Variants in ZNF462 observed in about 807,000 individuals in gnomAD.
ZNF462 encodes the protein zinc finger protein 462.
A neutral mutation model predicts 201.9 loss-of-function variants in ZNF462; 10 were observed. The observed-to-expected ratio is 0.05, with a 90% CI of 0.03 to 0.08. The LOEUF is 0.08. Ranked by LOEUF, ZNF462 falls within the 10% of genes least tolerant of loss-of-function variation. ZNF462 has a pLI of 1.00. For synonymous variants in ZNF462, 1,227 were observed against 1,193.3 expected (o/e 1.03, Z -0.58); for missense variants, 2,523 against 3,168.3 (o/e 0.80, Z 4.89).
intron 1 of ZNF462, among the ~76,000 whole-genome samples, chr9:106,868,458 G>T (rs1827441209): frequency 6.6e-6 from 1 of 152,206 alleles, no homozygotes; most frequent in Admixed American, 6.5e-5. Flanking sequence ...GAAAACTGAA[G>T]TTTCGGGGTG....
chr9:106,862,783 C>G (rs996313931), upstream of ZNF462, among the ~76,000 whole-genome samples: 4 of 152,192 alleles, frequency 2.6e-5, no homozygotes, highest in African/African-American at 9.7e-5. This position sits in a 1 kb window ranked among gnomAD's most constrained non-coding sequence, Gnocchi z 4.2. Flanking sequence ...CTGCTCTTCT[C>G]GAGCTCTTGG....
chr9:107,011,347 A>G lies in ZNF462; in HGVS notation c.*317A>G, dbSNP rs952789528. On this transcript the variant is annotated 3_prime_UTR_variant, in exon 13 of 13. Transcript: ENST00000277225. This position sits in a 1 kb window ranked among gnomAD's most constrained non-coding sequence, Gnocchi z 5.6. The stretch of plus-strand genomic sequence containing the variant: ...GGTGCACCCTGTGGTGGTCTTGGAC[A>G]GTATGTGGAAACAGAAGCTCCATGA... The G allele has an allele frequency of 4.3e-6, 1 of 234,052 alleles. No homozygotes were observed. Among genetic ancestry groups the G allele is most frequent in the Non-Finnish European group, 8.4e-6 (1 of 119,458 alleles). The allele number at this position is 234,052 out of a possible 1,614,324, so 14.5% of individuals were successfully genotyped here. A position where few individuals can be genotyped will look rare whatever the true frequency, so the allele number is the denominator to read the frequency against.
Position 107,009,440 on chromosome 9 carries a change from G to A in ZNF462, c.7190-105G>A, listed in dbSNP as rs1468946102. The A allele has an allele frequency of 1.4e-6, 2 of 1,470,046 alleles. No individual in the cohort carries two copies. The highest frequency in any genetic ancestry group is 4.7e-5 in the East Asian group (2 of 42,840). The allele number at this position is 1,470,046 out of a possible 1,614,324, so 91.1% of individuals were successfully genotyped here. A position where few individuals can be genotyped will look rare whatever the true frequency, so the allele number is the denominator to read the frequency against. On this transcript the variant is annotated intron_variant, in intron 11 of 12. Transcript: ENST00000277225. The surrounding 1 kb of genome is among the most constrained non-coding windows in gnomAD (Gnocchi z 6.1). The stretch of plus-strand genomic sequence containing the variant: ...ATCTGGAAATTGCTTTCACCACATG[G>A]CTTTATCAGTGAAGGTAGGAGAGAG...
chr9:107,002,140 T>G (rs1201662649), intron 10 of ZNF462, among the ~76,000 whole-genome samples: 1 of 152,144 alleles, frequency 6.6e-6, no homozygotes, highest in Non-Finnish European at 1.5e-5. Flanking sequence ...TCTTGTAAAT[T>G]ATCTCTTTCC....
At position 106,938,695 on chromosome 9, in the gene ZNF462, A is replaced by G. The variant is rs1412215512; in HGVS notation, c.6236-221A>G. Among the ~76,000 whole-genome samples, 1 of 152,210 alleles carries G rather than the reference A, an allele frequency of 6.6e-6. No homozygotes were observed. Among genetic ancestry groups the G allele is most frequent in the Non-Finnish European group, 1.5e-5 (1 of 68,038 alleles). On this transcript the variant is annotated intron_variant, in intron 6 of 12. Transcript: ENST00000277225. The surrounding 1 kb of genome is among the most constrained non-coding windows in gnomAD (Gnocchi z 4.4). ...CTGTAAGCAGAGCCCAAAATGAAAA[A>G]GGACCAGTTCACTAGATTCTGGAGC...
At chr9:106,995,690 C>T (rs960702328) in intron 10 of ZNF462, 1 of 152,130 alleles carries the variant, frequency 6.6e-6, no homozygotes, top group African/African-American at 2.4e-5. Context: ...GTAAAAACTA[C>T]TGGGGGCATT....
intron 7 of ZNF462, among the ~76,000 whole-genome samples, chr9:106,964,216 T>C (rs1831972168): frequency 6.6e-6 from 1 of 152,022 alleles, no homozygotes; most frequent in Non-Finnish European, 1.5e-5. Context: ...ATACGATAGT[T>C]CTGTTTTTAA....
intron 1 of ZNF462, among the ~76,000 whole-genome samples, chr9:106,867,353 A>G (rs1217225767): frequency 6.6e-6 from 1 of 152,200 alleles, no homozygotes; most frequent in Admixed American, 6.5e-5. Context: ...CATGTGGCTT[A>G]TTATGCAAAT....
chr9:106,943,168 T>A (rs958333164), intron 7 of ZNF462, among the ~76,000 whole-genome samples: 4 of 151,870 alleles, frequency 2.6e-5, no homozygotes, highest in Non-Finnish European at 5.9e-5. Flanking sequence ...ATTTATAATA[T>A]AGAACTTGAT....
At chr9:106,940,025 A>G (rs1424747258) in intron 7 of ZNF462, among the ~76,000 whole-genome samples, 2 of 152,196 alleles carry the variant, frequency 1.3e-5, no homozygotes, top group African/African-American at 4.8e-5. Context: ...CTGTCTCCCA[A>G]GATCTACTGT....
Position 106,935,531 on chromosome 9 carries a change from G to A in ZNF462, c.6145G>A (p.Gly2049Arg), listed in dbSNP as rs200192191. The change falls in exon 6 of 13, where the codon GGA becomes AGA. Residue 2049 changes from glycine (G) to arginine (R), a missense_variant. Gly to Arg is a moderately radical substitution (Grantham distance 125). Coordinates refer to ENST00000277225, the MANE Select transcript of ZNF462 (RefSeq NM_021224.6). The surrounding 1 kb of genome is among the most constrained non-coding windows in gnomAD (Gnocchi z 4.1). ...NLDRHMQTHHGHHKPFRCKLC... is the reference protein window; with the variant it reads ...NLDRHMQTHHRHHKPFRCKLC... The stretch of plus-strand genomic sequence containing the variant: ...GGATCGCCATATGCAAACCCACCAC[G>A]GACACCATAAACCATTCCGATGCAA... The A allele has an allele frequency of 1.1e-5, 17 of 1,613,794 alleles. No homozygotes were observed. Among genetic ancestry groups the A allele is most frequent in the Non-Finnish European group, 1.4e-5 (16 of 1,179,910 alleles).
intron 7 of ZNF462, among the ~76,000 whole-genome samples, chr9:106,965,086 A>G (rs1832010384): frequency 6.6e-6 from 1 of 152,100 alleles, no homozygotes; most frequent in Non-Finnish European, 1.5e-5. Flanking sequence ...GCATAGAGGA[A>G]AGCAAAGAGT....
Position 107,012,552 on chromosome 9 carries a change from T to C in ZNF462, c.*1522T>C, listed in dbSNP as rs375979424. 15 of 151,074 alleles carry C rather than the reference T, an allele frequency of 9.9e-5. No homozygotes were observed. The East Asian group carries it at 2.5e-3, about 26-fold the overall frequency. The allele number at this position is 151,074 out of a possible 1,614,324, so 9.4% of individuals were successfully genotyped here. On this transcript the variant is annotated 3_prime_UTR_variant, in exon 13 of 13. Coordinates refer to ENST00000277225, the MANE Select transcript of ZNF462 (RefSeq NM_021224.6). Reference sequence around the variant, plus strand: ...TAAATCTAAGCCTACATTTATAATATGTTCTGATTGTGAACAAAGGGTTTC... The same window carrying C: ...TAAATCTAAGCCTACATTTATAATACGTTCTGATTGTGAACAAAGGGTTTC...
chr9:106,939,042 T>G lies in ZNF462; in HGVS notation c.6362T>G (p.Leu2121Arg), dbSNP rs763194280. Residue 2121 changes from leucine to arginine, a missense_variant, in exon 7 of 13, where the codon CTC (leucine) becomes CGC (arginine). By Grantham distance (102) the Leu-to-Arg change is moderately radical. Around this residue, in one of 15 missense-constraint regions of ZNF462, gnomAD observed 138 missense variants for 146.3 expected, o/e 0.94. Coordinates refer to ENST00000277225, the MANE Select transcript of ZNF462 (RefSeq NM_021224.6). Reference protein sequence around the residue: ...TLPRPRIVSLLSSHSHHSSQK... With the variant: ...TLPRPRIVSLRSSHSHHSSQK... ...CCCAGGCCACGGATCGTCAGTCTCC[T>G]CTCCTCACACTCCCACCACTCCTCC... 5 of 1,613,788 alleles carry G rather than the reference T, an allele frequency of 3.1e-6. No homozygotes were observed. The highest frequency in any genetic ancestry group is 4.2e-6 in the Non-Finnish European group (5 of 1,179,890).
intron 10 of ZNF462, among the ~76,000 whole-genome samples, chr9:106,994,309 T>C (rs943684359): frequency 2.0e-5 from 3 of 152,132 alleles, no homozygotes; most frequent in African/African-American, 7.2e-5. Context: ...TCATCAACTT[T>C]TTAGTTATTC....
intron 1 of ZNF462, among the ~76,000 whole-genome samples, chr9:106,896,938 A>C (rs548260298): frequency 6.6e-6 from 1 of 152,316 alleles, no homozygotes; most frequent in Non-Finnish European, 1.5e-5. Flanking sequence ...TCACACACCC[A>C]CACATTCCCT....
chr9:106,940,919 G>A (rs2131637262), intron 7 of ZNF462, among the ~76,000 whole-genome samples: 1 of 152,274 alleles, frequency 6.6e-6, no homozygotes, highest in Middle Eastern at 3.4e-3. Flanking sequence ...GACTCAAATT[G>A]TAGGATCTGT....
chr9:106,942,600 C>T (rs1830921403), intron 7 of ZNF462, among the ~76,000 whole-genome samples: 1 of 152,198 alleles, frequency 6.6e-6, no homozygotes. Flanking sequence ...AAGGGAAATG[C>T]TCTGCTGTGT....
intron 1 of ZNF462, among the ~76,000 whole-genome samples, chr9:106,904,455 C>T (rs1829183091): frequency 6.6e-6 from 1 of 152,138 alleles, no homozygotes; most frequent in Non-Finnish European, 1.5e-5. Flanking sequence ...CTTTGTGCTT[C>T]CTATATTTGG....
Sources: gnomAD v4.1 joint callset for allele counts (sites outside exome capture counted in the v4.1 genomes callset) on GRCh38, gnomAD v4.1.1 for gene constraint, gnomAD v4.1.1 regional missense constraint, Gnocchi (gnomAD v3.1) non-coding constraint, MANE v1.5 for transcripts, NCBI Gene and HGNC (gene_info 2026-07-23, HGNC 2026-07-21) for gene names.